The following ZNF804B variants were observed in gnomAD, a reference collection of about 807,000 sequenced individuals.
ZNF804B encodes the protein zinc finger protein 804B, also known as zinc finger 804B.
Under a neutral mutation model 101.4 loss-of-function variants are expected in ZNF804B, and 80 were observed. The observed-to-expected ratio is 0.79, with a 90% CI of 0.66 to 0.95. The LOEUF (loss-of-function observed/expected upper bound fraction) is 0.95, where lower values mean the gene tolerates loss of function less well. ZNF804B is among the 40% of genes least tolerant of loss of function. The probability of loss-of-function intolerance (pLI) is 0.00; values close to 1 mark genes in which losing one functional copy is unlikely to be tolerated. For missense variants in ZNF804B, 1,673 were observed against 1,561.9 expected (o/e 1.07, Z -1.20); for synonymous variants, 622 against 558.8 (o/e 1.11, Z -1.59).
chr7:88,898,341 C>T (rs1349863402), intron 1 of ZNF804B, among the ~76,000 whole-genome samples: 1 of 152,068 alleles, frequency 6.6e-6, no homozygotes, highest in East Asian at 1.9e-4. Flanking sequence ...CCGCCTCGGC[C>T]TCCCAACGTG....
chr7:88,917,030 C>T (rs12666963), intron 1 of ZNF804B, among the ~76,000 whole-genome samples: 36,402 of 151,746 alleles, frequency 0.24, 4,869 homozygotes, highest in East Asian at 0.43. Context: ...TTTGGGAGGC[C>T]GAAGCAGGTG....
intron 1 of ZNF804B, among the ~76,000 whole-genome samples, chr7:88,827,595 C>T (rs184070658): frequency 1.4e-4 from 22 of 152,210 alleles, no homozygotes; most frequent in Admixed American, 1.4e-3. Flanking sequence ...GCACTTTTAA[C>T]AGTTTACTTT....
chr7:89,097,513 C>G (rs903785233), intron 1 of ZNF804B, among the ~76,000 whole-genome samples: 1 of 151,930 alleles, frequency 6.6e-6, no homozygotes, highest in Non-Finnish European at 1.5e-5. Context: ...AATTTAAGAG[C>G]GAAGAACCAA....
chr7:89,078,497 G>C (rs768072930), intron 1 of ZNF804B, among the ~76,000 whole-genome samples: 1 of 151,742 alleles, frequency 6.6e-6, no homozygotes, highest in East Asian at 1.9e-4. Context: ...TGTTTTATTT[G>C]TTTTCCTACC....
chr7:88,858,329 A>G (rs1428718102), intron 1 of ZNF804B, among the ~76,000 whole-genome samples: 1 of 152,194 alleles, frequency 6.6e-6, no homozygotes, highest in Non-Finnish European at 1.5e-5. Flanking sequence ...GATAAATTTT[A>G]TCACTTATTG....
intron 1 of ZNF804B, among the ~76,000 whole-genome samples, chr7:89,149,099 T>C (rs1790832939): frequency 2.6e-5 from 4 of 152,082 alleles, no homozygotes; most frequent in Admixed American, 2.6e-4. Flanking sequence ...ACTGAAATAG[T>C]CTCCACTGAC....
chr7:89,005,337 CA>C (rs1174897568), intron 1 of ZNF804B, among the ~76,000 whole-genome samples: 2 of 151,968 alleles, frequency 1.3e-5, no homozygotes, highest in Non-Finnish European at 1.5e-5. Context: ...CAGAGAACAT[CA>C]CAGATTTTGT....
chr7:88,796,811 G>A (rs531856910), intron 1 of ZNF804B, among the ~76,000 whole-genome samples: 52 of 152,104 alleles, frequency 3.4e-4, no homozygotes, highest in African/African-American at 1.0e-3. Context: ...TAGATTGCAC[G>A]TTTGAAATTG....
intron 2 of ZNF804B, among the ~76,000 whole-genome samples, chr7:89,226,623 G>A (rs990502540): frequency 1.3e-5 from 2 of 151,880 alleles, no homozygotes; most frequent in Admixed American, 1.3e-4. Flanking sequence ...ATAAAATGTG[G>A]TTATGCTATA....
chr7:89,128,337 G>C (rs928480820), intron 1 of ZNF804B, among the ~76,000 whole-genome samples: 1 of 151,790 alleles, frequency 6.6e-6, no homozygotes, highest in Non-Finnish European at 1.5e-5. Context: ...ATGAAAGCTA[G>C]ATTTAACCAT....
intron 2 of ZNF804B, among the ~76,000 whole-genome samples, chr7:89,254,355 A>G (rs1484736469): frequency 2.0e-5 from 3 of 152,010 alleles, no homozygotes; most frequent in Non-Finnish European, 2.9e-5. Flanking sequence ...AAATTACAAT[A>G]ACATCAAAAA....
chr7:88,941,719 A>T (rs1793057146), intron 1 of ZNF804B, among the ~76,000 whole-genome samples: 1 of 151,952 alleles, frequency 6.6e-6, no homozygotes, highest in African/African-American at 2.4e-5. Context: ...AATCCACAAA[A>T]TATACAATAC....
At chr7:89,329,509 A>G (rs991195606) in intron 3 of ZNF804B, among the ~76,000 whole-genome samples, 6 of 151,750 alleles carry the variant, frequency 4.0e-5, no homozygotes, top group Non-Finnish European at 7.4e-5. Context: ...AGGATGATCC[A>G]GGTAACACAA....
At chr7:88,877,792 T>C (rs148550287) in intron 1 of ZNF804B, among the ~76,000 whole-genome samples, 3 of 152,268 alleles carry the variant, frequency 2.0e-5, no homozygotes, top group African/African-American at 7.2e-5. Flanking sequence ...AAATATATTA[T>C]CTTTTACATT....
intron 2 of ZNF804B, among the ~76,000 whole-genome samples, chr7:89,220,782 T>C (rs1788993696): frequency 6.6e-6 from 1 of 151,956 alleles, no homozygotes; most frequent in Admixed American, 6.6e-5. Context: ...ATATCCACAC[T>C]TTTGGTTGGC....
At chr7:88,949,220 C>A (rs1280772721) in intron 1 of ZNF804B, among the ~76,000 whole-genome samples, 1 of 151,784 alleles carries the variant, frequency 6.6e-6, no homozygotes, top group Admixed American at 6.6e-5. Flanking sequence ...TCCAAGGTTT[C>A]TCAACCCTTG....
rs774304273 is a variant in ZNF804B at position 88,854,537 on chromosome 7, T to TTCCTTC, written c.108+94453_108+94454insTCCTTC. On this transcript the variant is annotated intron_variant, in intron 1 of 3. Coordinates refer to ENST00000333190, the MANE Select transcript of ZNF804B (RefSeq NM_181646.5). Reference sequence around the variant, plus strand: ...CTTTCCTTTCCTTCCTTTCCTTCCTTCCTTCCTTCCTTCCTTCCTTCCTTC... The same window carrying TTCCTTC: ...CTTTCCTTTCCTTCCTTTCCTTCCTTTCCTTCCCTTCCTTCCTTCCTTCCTTCCTTC... 7.1e-4 allele frequency among the ~76,000 whole-genome samples: 68 copies of TTCCTTC among 95,178 alleles called. 2 individuals are homozygous for TTCCTTC. Among genetic ancestry groups the TTCCTTC allele is most frequent in the South Asian group, 1.9e-3 (4 of 2,134 alleles). 62.4% of individuals were successfully genotyped at this position (95,178 alleles called of 152,430 possible).
intron 1 of ZNF804B, among the ~76,000 whole-genome samples, chr7:89,212,238 C>T (rs1185186394): frequency 6.9e-6 from 1 of 145,224 alleles, no homozygotes; most frequent in Non-Finnish European, 1.5e-5. Context: ...TATAGTGTCA[C>T]ATGCATTCAG....
At chr7:88,903,586 T>A (rs1466777531) in intron 1 of ZNF804B, among the ~76,000 whole-genome samples, 1 of 152,208 alleles carries the variant, frequency 6.6e-6, no homozygotes, top group Non-Finnish European at 1.5e-5. Context: ...TGTAAAATCA[T>A]TCCCTTTTCT....
Sources: gnomAD v4.1 joint callset for allele counts (sites outside exome capture counted in the v4.1 genomes callset) on GRCh38, gnomAD v4.1.1 for gene constraint, MANE v1.5 for transcripts, NCBI Gene and HGNC (gene_info 2026-07-23, HGNC 2026-07-21) for gene names.